The following SH2D4B variants were observed in gnomAD, a reference collection of about 807,000 sequenced individuals.
SH2D4B encodes the protein SH2 domain-containing protein 4B.
SH2D4B carries 45 observed loss-of-function variants against 61.5 expected under a neutral mutation model. The observed-to-expected ratio is 0.73, with a 90% CI of 0.58 to 0.94. The LOEUF (loss-of-function observed/expected upper bound fraction) is 0.94. Among genes scored for constraint, SH2D4B ranks in the 40% least tolerant of loss-of-function variants. The probability of loss-of-function intolerance (pLI) is 0.00; values close to 1 mark genes in which losing one functional copy is unlikely to be tolerated. For synonymous variants in SH2D4B, 224 were observed against 220.4 expected (o/e 1.02, Z -0.14); for missense variants, 572 against 574.2 (o/e 1.00, Z 0.04).
intron 6 of SH2D4B, among the ~76,000 whole-genome samples, chr10:80,630,162 A>T (rs1420955090): frequency 1.3e-5 from 2 of 152,180 alleles, no homozygotes; most frequent in African/African-American, 2.4e-5. Context: ...GCTCAGAGAA[A>T]AATCTTGGCC....
At chr10:80,598,309 A>G (rs1842409618) in intron 4 of SH2D4B, among the ~76,000 whole-genome samples, 1 of 152,242 alleles carries the variant, frequency 6.6e-6, no homozygotes. Context: ...AATGGGACGG[A>G]AAGTTAAGAG....
intron 6 of SH2D4B, among the ~76,000 whole-genome samples, chr10:80,619,470 C>T (rs1842693865): frequency 6.6e-6 from 1 of 152,218 alleles, no homozygotes; most frequent in Non-Finnish European, 1.5e-5. Context: ...GCTCTGGACA[C>T]CTGCAGATGG....
intron 4 of SH2D4B, among the ~76,000 whole-genome samples, chr10:80,590,098 G>A (rs1333659124): frequency 1.3e-5 from 2 of 152,210 alleles, no homozygotes; most frequent in African/African-American, 4.8e-5. Context: ...AAGCCCCAGG[G>A]TGGGTCAGGA....
Position 80,571,483 on chromosome 10 carries a change from G to A in SH2D4B, c.400G>A (p.Glu134Lys), listed in dbSNP as rs745614139. 1.9e-6 allele frequency: 3 copies of A among 1,614,196 alleles called. No individual in the cohort carries two copies. The highest frequency in any genetic ancestry group is 2.2e-5 in the South Asian group (2 of 91,084). Residue 134 changes from glutamate (E) to lysine (K), a missense_variant, in exon 3 of 8, where the codon GAG becomes AAG. Transcript: ENST00000646907. ...TKKFRDALANEKARILAEKWK... is the reference protein window; with the variant it reads ...TKKFRDALANKKARILAEKWK... ...GAAGTTCCGGGATGCTCTGGCCAAT[G>A]AGAAAGCCCGGATCTTGGCGGAGAA...
chr10:80,562,887 A>ATT lies in SH2D4B; in HGVS notation c.185-7262_185-7261dup, dbSNP rs1223682186. ...TCTCTGATGACCTATGATGCTGAACATTTTTTCTTTTTTTTTTTTTTTTTT... is the reference window on the plus strand; with the variant it reads ...TCTCTGATGACCTATGATGCTGAACATTTTTTTTCTTTTTTTTTTTTTTTTTT... On this transcript the variant is annotated intron_variant, in intron 1 of 7. Transcript: ENST00000646907. 2.0e-4 allele frequency among the ~76,000 whole-genome samples: 24 copies of ATT among 122,154 alleles called. 2 individuals are homozygous for ATT. Among genetic ancestry groups the ATT allele is most frequent in the Non-Finnish European group, 3.4e-4 (20 of 58,816 alleles). 80.1% of individuals were successfully genotyped at this position (122,154 alleles called of 152,430 possible). A position where few individuals can be genotyped will look rare whatever the true frequency, so the allele number is the denominator to read the frequency against.
chr10:80,568,978 G>A (rs1384621384), intron 1 of SH2D4B, among the ~76,000 whole-genome samples: 1 of 152,216 alleles, frequency 6.6e-6, no homozygotes, highest in Admixed American at 6.5e-5. Context: ...TCTCTAGCCT[G>A]TTAAACATCG....
intron 4 of SH2D4B, among the ~76,000 whole-genome samples, chr10:80,597,900 G>T (rs1842402988): frequency 6.6e-6 from 1 of 152,164 alleles, no homozygotes; most frequent in Admixed American, 6.5e-5. Context: ...GCAGCCTGGG[G>T]TTCTGGTGAT....
At chr10:80,543,170 C>G (rs1841606328) in intron 1 of SH2D4B, among the ~76,000 whole-genome samples, 1 of 152,202 alleles carries the variant, frequency 6.6e-6, no homozygotes, top group African/African-American at 2.4e-5. Context: ...TTTGGCGGCA[C>G]TTGAGGAGCC....
At chr10:80,606,243 A>C (rs567269148) in intron 5 of SH2D4B, among the ~76,000 whole-genome samples, 13 of 151,848 alleles carry the variant, frequency 8.6e-5, no homozygotes, top group African/African-American at 3.1e-4. Context: ...GGCCTCGTGG[A>C]ATACACATCT....
intron 7 of SH2D4B, among the ~76,000 whole-genome samples, chr10:80,638,351 A>G (rs963715903): frequency 1.3e-5 from 2 of 152,214 alleles, no homozygotes; most frequent in African/African-American, 2.4e-5. Flanking sequence ...GAATAATTTC[A>G]GAAGGAATGG....
chr10:80,593,644 T>C (rs1842356763), intron 4 of SH2D4B, among the ~76,000 whole-genome samples: 1 of 152,210 alleles, frequency 6.6e-6, no homozygotes, highest in Non-Finnish European at 1.5e-5. Context: ...CATCTGCAGA[T>C]AGAGATAGTT....
Position 80,578,353 on chromosome 10 carries a change from A to G in SH2D4B, c.495+6775A>G, listed in dbSNP as rs534752234. On this transcript the variant is annotated intron_variant, in intron 3 of 7. Transcript: ENST00000646907. ...CTTTTTTTCCTGAGAACCTAAGGGG[A>G]GGCTGTTTGTTGTGGGGGAGGAGGG... Among the ~76,000 whole-genome samples the G allele has an allele frequency of 3.9e-4, 59 of 151,936 alleles. 3 individuals carry two copies. In the South Asian group the frequency reaches 0.012, roughly 32 times the overall value.
intron 6 of SH2D4B, among the ~76,000 whole-genome samples, chr10:80,619,780 T>C (rs556101065): frequency 6.6e-6 from 1 of 152,360 alleles, no homozygotes; most frequent in Non-Finnish European, 1.5e-5. Flanking sequence ...GATTGGAAAT[T>C]GCTTTGTTTG....
At chr10:80,630,060 G>A (rs1015397932) in intron 6 of SH2D4B, among the ~76,000 whole-genome samples, 3 of 152,220 alleles carry the variant, frequency 2.0e-5, no homozygotes, top group African/African-American at 7.2e-5. Flanking sequence ...GAGAAGGTGG[G>A]GAGAGTCTTC....
intron 5 of SH2D4B, among the ~76,000 whole-genome samples, chr10:80,605,970 C>T (rs779174314): frequency 2.0e-4 from 30 of 152,204 alleles, no homozygotes; most frequent in Non-Finnish European, 2.2e-4. Flanking sequence ...CTTTGTGCAG[C>T]CAATAGGGGA....
At chr10:80,571,684 G>A in intron 3 of SH2D4B, 106 bp downstream of exon 3, 1 of 1,293,664 alleles carries the variant, frequency 7.7e-7, no homozygotes, top group Non-Finnish European at 1.1e-6. Flanking sequence ...GTTGGTACTG[G>A]GTGCTTTATG....
intron 1 of SH2D4B, among the ~76,000 whole-genome samples, chr10:80,541,163 T>C (rs1170100098): frequency 6.6e-6 from 1 of 152,184 alleles, no homozygotes; most frequent in Non-Finnish European, 1.5e-5. Flanking sequence ...TTATTAGGTG[T>C]TCTGGAAGAG....
chr10:80,550,853 G>C (rs1841750962), intron 1 of SH2D4B, among the ~76,000 whole-genome samples: 1 of 152,092 alleles, frequency 6.6e-6, no homozygotes, highest in South Asian at 2.1e-4. Flanking sequence ...CCACAACATA[G>C]GAAGCTTCCT....
At chr10:80,554,165 C>A (rs1564766833) in intron 1 of SH2D4B, among the ~76,000 whole-genome samples, 1 of 152,150 alleles carries the variant, frequency 6.6e-6, no homozygotes. Flanking sequence ...CAGCTTAGAA[C>A]AAAAGGCATC....
Sources: allele counts gnomAD v4.1 joint callset (sites outside exome capture counted in the v4.1 genomes callset), GRCh38; gene constraint gnomAD v4.1.1; transcripts MANE v1.5; gene names NCBI Gene and HGNC (gene_info 2026-07-23, HGNC 2026-07-21).